Variants in TRPC7 observed in about 807,000 individuals in gnomAD.
The protein encoded by TRPC7 is transient receptor potential cation channel subfamily C member 7, also known as short transient receptor potential channel 7.
TRPC7 carries 42 observed loss-of-function variants against 90.1 expected under a neutral mutation model. The ratio of observed to expected loss-of-function variants is 0.47; its 90% CI spans 0.36 to 0.60. The LOEUF is 0.60. TRPC7 is among the 20% of genes least tolerant of loss of function. The pLI is 0.00. For missense variants in TRPC7, 955 were observed against 1,112.3 expected (o/e 0.86, Z 2.01); for synonymous variants, 451 against 436.3 (o/e 1.03, Z -0.42).
intron 10 of TRPC7, among the ~76,000 whole-genome samples, chr5:136,218,204 A>C (rs1201493610): frequency 6.8e-6 from 1 of 147,832 alleles, no homozygotes; most frequent in Non-Finnish European, 1.5e-5. Context: ...AGATTATATA[A>C]AATATATATA....
chr5:136,235,157 C>T (rs1417595794), intron 7 of TRPC7, among the ~76,000 whole-genome samples: 2 of 152,018 alleles, frequency 1.3e-5, no homozygotes, highest in Admixed American at 6.6e-5. Flanking sequence ...AGGCAGAAGA[C>T]TGAGAAAAGA....
intron 2 of TRPC7, among the ~76,000 whole-genome samples, chr5:136,319,622 C>G (rs1214836393): frequency 6.6e-6 from 1 of 152,096 alleles, no homozygotes. Flanking sequence ...GTAAGGCTTT[C>G]CTCTCCACTG....
intron 2 of TRPC7, among the ~76,000 whole-genome samples, chr5:136,347,331 C>A (rs1454307481): frequency 6.6e-6 from 1 of 152,190 alleles, no homozygotes; most frequent in Admixed American, 6.5e-5. Context: ...TGATTGCACC[C>A]AGTCTCTTCT....
At chr5:136,300,475 T>C (rs1025110239) in intron 3 of TRPC7, among the ~76,000 whole-genome samples, 4 of 152,220 alleles carry the variant, frequency 2.6e-5, no homozygotes, top group African/African-American at 9.6e-5. Context: ...GCCTCTCTGC[T>C]TCATCTCTAA....
chr5:136,329,876 G>C (rs1759447683), intron 2 of TRPC7, among the ~76,000 whole-genome samples: 1 of 152,136 alleles, frequency 6.6e-6, no homozygotes. Context: ...TTCAACTGCG[G>C]TAAAACTGGG....
rs192714230 is a variant in TRPC7, at chr5:136,341,456, C to T, written c.780+15152G>A. On this transcript the variant is annotated intron_variant, in intron 2 of 11. Transcript: ENST00000513104. ...ACATATATACATATATTTACATACACATACATATACATATATATACACACA... is the reference window on the plus strand; with the variant it reads ...ACATATATACATATATTTACATACATATACATATACATATATATACACACA... 8.4e-5 allele frequency among the ~76,000 whole-genome samples: 10 copies of T among 118,706 alleles called. No homozygotes were observed. The Admixed American group carries it at 8.7e-4, about 10-fold the overall frequency. The allele number at this position is 118,706 out of a possible 152,430, so 77.9% of individuals were successfully genotyped here.
intron 3 of TRPC7, among the ~76,000 whole-genome samples, chr5:136,303,079 C>T (rs553439188): frequency 9.2e-5 from 14 of 152,288 alleles, no homozygotes; most frequent in African/African-American, 1.4e-4. Context: ...AGTTTCATTC[C>T]GTGACTAGCC....
chr5:136,261,201 A>G (rs1247746422), intron 5 of TRPC7, among the ~76,000 whole-genome samples: 3 of 152,208 alleles, frequency 2.0e-5, no homozygotes, highest in East Asian at 1.9e-4. Context: ...TACTATTTTT[A>G]TAATAATTAA....
intron 3 of TRPC7, among the ~76,000 whole-genome samples, chr5:136,309,897 GT>G (rs2149836485): frequency 6.6e-6 from 1 of 152,238 alleles, no homozygotes; most frequent in Non-Finnish European, 1.5e-5. Context: ...CACCCCTCCT[GT>G]TTCCTTTCCA....
In TRPC7 at chr5:136,365,468, A is replaced by G; in HGVS notation, c.-214T>C. On this transcript the variant is annotated 5_prime_UTR_variant, in exon 1 of 12. Coordinates refer to ENST00000513104, the MANE Select transcript of TRPC7 (RefSeq NM_020389.3). ...GTGGTAAAAACTCGCCTTCCGAGGC[A>G]GAACCGTGTTACCGTCCTTTTCCTA... The G allele has an allele frequency of 1.7e-6, 1 of 589,050 alleles. No homozygotes were observed. The highest frequency in any genetic ancestry group is 3.0e-6 in the Non-Finnish European group (1 of 331,158). The allele number at this position is 589,050 out of a possible 1,614,324, so 36.5% of individuals were successfully genotyped here.
intron 3 of TRPC7, among the ~76,000 whole-genome samples, chr5:136,286,194 C>T (rs1249405075): frequency 2.0e-5 from 3 of 152,196 alleles, no homozygotes; most frequent in Non-Finnish European, 4.4e-5. Flanking sequence ...AACTCTCACT[C>T]CTCTCTCCTC....
rs1449800371 is a variant in TRPC7 at position 136,226,302 on chromosome 5, A to T, written c.2041-47T>A. The T allele has an allele frequency of 2.8e-6, 4 of 1,417,596 alleles. No individual in the cohort carries two copies. In the East Asian group the frequency reaches 7.5e-5, roughly 26 times the overall value. The allele number at this position is 1,417,596 out of a possible 1,614,324, so 87.8% of individuals were successfully genotyped here. A position where few individuals can be genotyped will look rare whatever the true frequency, so the allele number is the denominator to read the frequency against. The stretch of plus-strand genomic sequence containing the variant: ...AACACACCCTCAAAGGCCACGATTT[A>T]ACAACGGAGCCCAACCTGAGGAGCA... On this transcript the variant is annotated intron_variant, in intron 8 of 11. Coordinates refer to ENST00000513104, the MANE Select transcript of TRPC7 (RefSeq NM_020389.3).
In TRPC7 at chr5:136,249,549, C is replaced by T. The variant is rs116694809; in HGVS notation, c.1580-1814G>A. On this transcript the variant is annotated intron_variant, in intron 6 of 11. Transcript: ENST00000513104. ...GGCAAAAAGGAATTCTTTTTTTCTG[C>T]GGCCTCTAGCTCACCATCTTAAACC... Among the ~76,000 whole-genome samples, 1,351 of 152,236 alleles carry T rather than the reference C, an allele frequency of 8.9e-3. 13 individuals carry two copies. Among genetic ancestry groups the T allele is most frequent in the African/African-American group, 0.031 (1,283 of 41,540 alleles).
intron 2 of TRPC7, among the ~76,000 whole-genome samples, chr5:136,338,626 G>C (rs765996263): frequency 5.9e-5 from 9 of 152,146 alleles, no homozygotes; most frequent in Non-Finnish European, 1.3e-4. Flanking sequence ...TCATCACCTA[G>C]TTTATGAATA....
chr5:136,266,560 C>A, intron 4 of TRPC7, 124 bp from the exon 5 acceptor site: 1 of 827,664 alleles, frequency 1.2e-6, no homozygotes, highest in South Asian at 1.8e-5. Flanking sequence ...AAACTGCTAA[C>A]TGAACCCATA....
intron 2 of TRPC7, among the ~76,000 whole-genome samples, chr5:136,353,741 A>G (rs1473589006): frequency 2.0e-5 from 3 of 152,242 alleles, no homozygotes; most frequent in Non-Finnish European, 4.4e-5. Context: ...AACTAGGTGG[A>G]TGTTAACAGC....
intron 2 of TRPC7, among the ~76,000 whole-genome samples, chr5:136,328,861 G>C (rs1759418171): frequency 6.6e-6 from 1 of 152,224 alleles, no homozygotes; most frequent in Non-Finnish European, 1.5e-5. Context: ...TATTTCCAGA[G>C]CTTCACCCTG....
At chr5:136,349,316 G>GA (rs1238514840) in intron 2 of TRPC7, among the ~76,000 whole-genome samples, 1 of 152,104 alleles carries the variant, frequency 6.6e-6, no homozygotes, top group African/African-American at 2.4e-5. Context: ...TCTTGTGCTG[G>GA]AAAAATCTGC....
chr5:136,314,290 C>T (rs1047906840), intron 3 of TRPC7: 1 of 152,136 alleles, frequency 6.6e-6, no homozygotes, highest in African/African-American at 2.4e-5. Flanking sequence ...TGTTTGAACC[C>T]CAAGGGAAAG....
Sources: gnomAD v4.1 joint callset for allele counts (sites outside exome capture counted in the v4.1 genomes callset) on GRCh38, gnomAD v4.1.1 for gene constraint, MANE v1.5 for transcripts, NCBI Gene and HGNC (gene_info 2026-07-23, HGNC 2026-07-21) for gene names.